The following TRRAP variants were observed in gnomAD, a reference collection of about 807,000 sequenced individuals.
The protein encoded by TRRAP is transformation/transcription domain-associated protein.
In TRRAP, 41 loss-of-function variants were observed where a neutral mutation model predicts 438.8. The observed-to-expected ratio is 0.09, with a 90% CI of 0.07 to 0.12. The LOEUF (loss-of-function observed/expected upper bound fraction) is 0.12, where lower values mean the gene tolerates loss of function less well. Among genes scored for constraint, TRRAP ranks in the 10% least tolerant of loss-of-function variants. TRRAP has a pLI of 1.00. For missense variants in TRRAP, 3,122 were observed against 5,055.1 expected (o/e 0.62, Z 11.60); for synonymous variants, 1,994 against 1,962.9 (o/e 1.02, Z -0.42).
chr7:98,891,210 T>A (rs797031382), intron 4 of TRRAP, among the ~76,000 whole-genome samples: 3,605 of 117,862 alleles, frequency 0.031, 50 homozygotes, highest in African/African-American at 0.06. Flanking sequence ...TATATTTTTT[T>A]TTTTTTTTTT....
intron 30 of TRRAP, among the ~76,000 whole-genome samples, chr7:98,939,312 G>A (rs1584336167): frequency 1.3e-5 from 2 of 152,144 alleles, no homozygotes; most frequent in South Asian, 2.1e-4. Context: ...GAGAGATATT[G>A]CAGGTATGGA....
chr7:98,911,957 T>C (rs1789296739), intron 17 of TRRAP, 65 bp from the exon 18 acceptor site: 1 of 1,424,660 alleles, frequency 7.0e-7, no homozygotes, highest in Admixed American at 2.0e-5. Context: ...GAAAGCTTAC[T>C]ACTTTGTCTT....
At chr7:98,940,464 TC>T (rs1415870490) in intron 30 of TRRAP, among the ~76,000 whole-genome samples, 5 of 152,110 alleles carry the variant, frequency 3.3e-5, no homozygotes, top group Admixed American at 2.0e-4. Flanking sequence ...TTATTTTTAG[TC>T]CCCAGTCTAA....
chr7:98,912,233 A>G lies in TRRAP; in HGVS notation c.2199+20A>G. On this transcript the variant is annotated intron_variant, in intron 18 of 72. Transcript: ENST00000456197. Reference sequence around the variant, plus strand: ...CTGAAGGTAAAGTCCATTTAATCTAAGTAGTGCTTCTGTTCAGGGTTTTTT... The same window carrying G: ...CTGAAGGTAAAGTCCATTTAATCTAGGTAGTGCTTCTGTTCAGGGTTTTTT... 1 of 1,609,872 alleles carries G rather than the reference A, an allele frequency of 6.2e-7. No individual in the cohort carries two copies. Among genetic ancestry groups the G allele is most frequent in the East Asian group, 2.2e-5 (1 of 44,792 alleles).
At chr7:98,942,920 TTG>T in intron 30 of TRRAP, 27 bp from the exon 31 acceptor site, 26 of 1,613,776 alleles carry the variant, frequency 1.6e-5, no homozygotes, top group Non-Finnish European at 2.2e-5. Context: ...TACTGTGAAG[TTG>T]TGTCTCAGGA....
intron 12 of TRRAP, among the ~76,000 whole-genome samples, chr7:98,904,297 C>T (rs994452528): frequency 4.6e-5 from 7 of 151,826 alleles, no homozygotes; most frequent in African/African-American, 7.3e-5. Flanking sequence ...TCCTGGCTGA[C>T]ACGGTGAAAC....
chr7:98,984,907 T>A (rs1196630181), intron 61 of TRRAP, 37 bp from the exon 62 acceptor site: 2 of 1,419,700 alleles, frequency 1.4e-6, no homozygotes, highest in East Asian at 2.3e-5. Flanking sequence ...GTTTAGAAAT[T>A]TCAAGAACTT....
In TRRAP at chr7:99,011,032, C is replaced by T. The variant is rs753508162; in HGVS notation, c.10939-20C>T. ...AAATCAGTGAGTGAGATGGGAGTGTCACGGAGCGCTGTGTTTCAGGTCCTC... is the reference window on the plus strand; with the variant it reads ...AAATCAGTGAGTGAGATGGGAGTGTTACGGAGCGCTGTGTTTCAGGTCCTC... On this transcript the variant is annotated intron_variant, in intron 70 of 72. Coordinates refer to ENST00000456197, the MANE Select transcript of TRRAP (RefSeq NM_001375524.1). This position sits in a 1 kb window ranked among gnomAD's most constrained non-coding sequence, Gnocchi z 7.1. 7 of 1,605,314 alleles carry T rather than the reference C, an allele frequency of 4.4e-6. No homozygotes were observed. Among genetic ancestry groups the T allele is most frequent in the Non-Finnish European group, 6.0e-6 (7 of 1,173,272 alleles).
At position 98,908,419 on chromosome 7, in the gene TRRAP, C is replaced by T. The variant is rs1554407889; in HGVS notation, c.1116-309C>T. Among the ~76,000 whole-genome samples, 1 of 152,124 alleles carries T rather than the reference C, an allele frequency of 6.6e-6. No homozygotes were observed. The highest frequency in any genetic ancestry group is 1.5e-5 in the Non-Finnish European group (1 of 68,030). On this transcript the variant is annotated intron_variant, in intron 13 of 72. Coordinates refer to ENST00000456197, the MANE Select transcript of TRRAP (RefSeq NM_001375524.1). This position sits in a 1 kb window ranked among gnomAD's most constrained non-coding sequence, Gnocchi z 4.1. ...CCTATTTATTTTTGAGCAACAAAACCCATTCAGTGCATGATCAAGCTGGTA... is the reference window on the plus strand; with the variant it reads ...CCTATTTATTTTTGAGCAACAAAACTCATTCAGTGCATGATCAAGCTGGTA...
At chr7:98,988,652 T>G in intron 62 of TRRAP, 113 bp from the exon 63 acceptor site, 3 of 1,300,084 alleles carry the variant, frequency 2.3e-6, no homozygotes, top group Non-Finnish European at 3.2e-6. Flanking sequence ...TGCACAACAT[T>G]GTGAATGGAC....
At chr7:98,949,917 G>A (rs1791255068) in intron 37 of TRRAP, 76 bp downstream of exon 37, 3 of 1,574,324 alleles carry the variant, frequency 1.9e-6, no homozygotes, top group Admixed American at 3.5e-5. Context: ...CTTCTACTCT[G>A]TACAAGGCTG....
In TRRAP at chr7:99,012,484, T is replaced by C; in HGVS notation, c.*129T>C. On this transcript the variant is annotated 3_prime_UTR_variant, in exon 73 of 73. Coordinates refer to ENST00000456197, the MANE Select transcript of TRRAP (RefSeq NM_001375524.1). The surrounding 1 kb of genome is among the most constrained non-coding windows in gnomAD (Gnocchi z 5.9). Reference sequence around the variant, plus strand: ...CATAGTTTCACTGGGTTGCGGTTATTTTCCTGGTAGTTTGCGTGTAAGAAA... The same window carrying C: ...CATAGTTTCACTGGGTTGCGGTTATCTTCCTGGTAGTTTGCGTGTAAGAAA... 2 of 1,171,466 alleles carry C rather than the reference T, an allele frequency of 1.7e-6. No individual in the cohort carries two copies. The highest frequency in any genetic ancestry group is 2.3e-6 in the Non-Finnish European group (2 of 854,404). The allele number at this position is 1,171,466 out of a possible 1,614,324, so 72.6% of individuals were successfully genotyped here. A position where few individuals can be genotyped will look rare whatever the true frequency, so the allele number is the denominator to read the frequency against.
At chr7:98,911,774 CAA>C (rs113146131) in intron 17 of TRRAP, among the ~76,000 whole-genome samples, 5 of 91,354 alleles carry the variant, frequency 5.5e-5, no homozygotes, top group Non-Finnish European at 5.4e-5. Context: ...CTCAAAATCT[CAA>C]AAAAAAAAAA....
At chr7:98,983,162 A>G in intron 59 of TRRAP, 102 bp from the exon 60 acceptor site, 1 of 1,121,634 alleles carries the variant, frequency 8.9e-7, no homozygotes, top group South Asian at 1.7e-5. Context: ...ATTGCATCAT[A>G]AGATCTTTGC....
Position 99,008,580 on chromosome 7 carries a change from C to A in TRRAP, c.10938+19C>A. 6.2e-7 allele frequency: 1 copy of A among 1,610,838 alleles called. No homozygotes were observed. The highest frequency in any genetic ancestry group is 8.5e-7 in the Non-Finnish European group (1 of 1,178,908). The stretch of plus-strand genomic sequence containing the variant: ...CCACCAGGTAGCAGTGGGGCCGGGC[C>A]GGGGGCCGAGCTGCCGCCTGCAGCC... On this transcript the variant is annotated intron_variant, in intron 70 of 72. Coordinates refer to ENST00000456197, the MANE Select transcript of TRRAP (RefSeq NM_001375524.1).
chr7:98,902,920 A>AG (rs1378133735), intron 11 of TRRAP, among the ~76,000 whole-genome samples: 1 of 151,786 alleles, frequency 6.6e-6, no homozygotes, highest in East Asian at 1.9e-4. Context: ...AAAAAAAAAA[A>AG]AAAAAAGAAA....
In TRRAP at chr7:98,917,353, T is replaced by C. The variant is rs200509990; in HGVS notation, c.2366-70T>C. On this transcript the variant is annotated intron_variant, in intron 19 of 72. Coordinates refer to ENST00000456197, the MANE Select transcript of TRRAP (RefSeq NM_001375524.1). ...CACAAGAGAAGGAGGGGCAGTTCTT[T>C]TGTGTGTTTCACCTGGGCCCGAGTC... The C allele has an allele frequency of 1.2e-4, 181 of 1,566,752 alleles. 2 individuals are homozygous for C. Among genetic ancestry groups the C allele is most frequent in the Middle Eastern group, 3.9e-4 (2 of 5,072 alleles).
At chr7:98,896,849 C>T (rs750796874) in intron 7 of TRRAP, among the ~76,000 whole-genome samples, 2 of 152,272 alleles carry the variant, frequency 1.3e-5, no homozygotes, top group Admixed American at 6.5e-5. Flanking sequence ...AAAGCCCGAG[C>T]GCTGCTTTTC....
chr7:98,881,571 CAAA>C (rs35358303), intron 2 of TRRAP: 393 of 123,748 alleles, frequency 3.2e-3, no homozygotes, highest in East Asian at 5.5e-3. Context: ...GACTCCCTCT[CAAA>C]AAAAAAAAAA....
Sources: gnomAD v4.1 joint callset for allele counts (sites outside exome capture counted in the v4.1 genomes callset) on GRCh38, gnomAD v4.1.1 for gene constraint, Gnocchi (gnomAD v3.1) non-coding constraint, MANE v1.5 for transcripts, NCBI Gene and HGNC (gene_info 2026-07-23, HGNC 2026-07-21) for gene names.